Variants in DRD3 observed in about 807,000 individuals in gnomAD.
DRD3 encodes dopamine receptor D3.
A neutral mutation model predicts 36.3 loss-of-function variants in DRD3; 19 were observed. That is an observed-to-expected ratio of 0.52 (90% CI 0.36 to 0.77). The LOEUF is 0.77. Ranked by LOEUF, DRD3 falls within the 30% of genes least tolerant of loss-of-function variation. The pLI, the probability that DRD3 is intolerant of heterozygous loss-of-function variation, is 0.00. For synonymous variants in DRD3, 195 were observed against 203.7 expected (o/e 0.96, Z 0.36); for missense variants, 465 against 505.3 (o/e 0.92, Z 0.77).
At chr3:114,159,988 C>T (rs1474260999) in intron 2 of DRD3, 121 bp from the exon 3 acceptor site, 4 of 804,542 alleles carry the variant, frequency 5.0e-6, no homozygotes, top group Non-Finnish European at 6.1e-6. Flanking sequence ...CCCTGTGTAC[C>T]GTTGTTCCCA....
chr3:114,168,045 A>G (rs556587903), intron 2 of DRD3, among the ~76,000 whole-genome samples: 15 of 152,340 alleles, frequency 9.8e-5, no homozygotes, highest in African/African-American at 3.4e-4. Context: ...CCACCCTACC[A>G]GAGGACTTTA....
intron 2 of DRD3, 134 bp downstream of exon 2, chr3:114,171,589 G>A: frequency 8.6e-7 from 1 of 1,159,036 alleles, no homozygotes; most frequent in South Asian, 2.0e-5. Flanking sequence ...TCTCATTACA[G>A]GGAGAATGAG....
rs566437599 is a variant in DRD3 at position 114,187,521 on chromosome 3, C to T, written c.-155-8745G>A. ...AATGAAGCTTTTGTTGCTTCCACAA[C>T]TCCTTTGCAATCTTGTCATTGATGT... On this transcript the variant is annotated intron_variant, in intron 1 of 7. Transcript: ENST00000460779. 9.2e-5 allele frequency among the ~76,000 whole-genome samples: 14 copies of T among 152,330 alleles called. 1 individual carries two copies. The South Asian group carries it at 2.5e-3, about 27-fold the overall frequency.
At chr3:114,143,112 G>A (rs2077540831) in intron 4 of DRD3, among the ~76,000 whole-genome samples, 1 of 152,252 alleles carries the variant, frequency 6.6e-6, no homozygotes, top group Admixed American at 6.5e-5. Flanking sequence ...CCCAGGAGAT[G>A]AGGTGCCTTG....
intron 3 of DRD3, among the ~76,000 whole-genome samples, chr3:114,157,399 C>A (rs1014347478): frequency 2.6e-5 from 4 of 152,028 alleles, no homozygotes; most frequent in Non-Finnish European, 5.9e-5. Context: ...TGCCCCATAC[C>A]CTTCTCATGC....
rs1244634029 is a variant in DRD3 at position 114,196,220 on chromosome 3, G to A, written c.-156+3053C>T. 2.0e-5 allele frequency among the ~76,000 whole-genome samples: 3 copies of A among 152,072 alleles called. No homozygotes were observed. In the East Asian group the frequency reaches 5.8e-4, roughly 29 times the overall value. On this transcript the variant is annotated intron_variant, in intron 1 of 7. Transcript: ENST00000460779. ...GTATCCCATTATTTATCAATTTCCA[G>A]TTTTTGGTTATTACAAATAAAGCAG...
intron 6 of DRD3, among the ~76,000 whole-genome samples, chr3:114,130,520 G>C (rs1029465644): frequency 3.3e-5 from 5 of 150,872 alleles, no homozygotes; most frequent in African/African-American, 1.2e-4. Context: ...TGCCTCCCAG[G>C]TTCAGGCCAT....
At chr3:114,164,714 A>G (rs1300530851) in intron 2 of DRD3, among the ~76,000 whole-genome samples, 3 of 152,284 alleles carry the variant, frequency 2.0e-5, no homozygotes, top group Admixed American at 2.0e-4. Context: ...CGTTAGCTTC[A>G]TGATCCCCTT....
intron 4 of DRD3, among the ~76,000 whole-genome samples, chr3:114,143,287 G>C (rs2077542876): frequency 6.6e-6 from 1 of 152,202 alleles, no homozygotes; most frequent in African/African-American, 2.4e-5. Context: ...CCGGGGGAGG[G>C]GAGGTTACTC....
At chr3:114,141,790 G>A (rs6786450) in intron 4 of DRD3, among the ~76,000 whole-genome samples, 10,549 of 152,076 alleles carry the variant, frequency 0.069, 738 homozygotes, top group African/African-American at 0.18. Context: ...GGTGGCTCAC[G>A]CCTGTAATCC....
At chr3:114,137,549 T>C (rs532925725) in intron 5 of DRD3, among the ~76,000 whole-genome samples, 1 of 152,278 alleles carries the variant, frequency 6.6e-6, no homozygotes, top group South Asian at 2.1e-4. Context: ...TAACAGGTCA[T>C]CAGAGATAAT....
rs1012316796 is a variant in DRD3 at position 114,139,785 on chromosome 3, G to A, written c.527-89C>T. On this transcript the variant is annotated intron_variant, in intron 4 of 6. Transcript: ENST00000383673. ...AACACGGCTCCATGTCACGTGTGGT[G>A]CCTGCACTTTCTGCTGCACAGGGGG... 31 of 1,278,858 alleles carry A rather than the reference G, an allele frequency of 2.4e-5. No homozygotes were observed. The African/African-American group carries it at 4.1e-4, about 17-fold the overall frequency. 79.2% of individuals were successfully genotyped at this position (1,278,858 alleles called of 1,614,324 possible). A position where few individuals can be genotyped will look rare whatever the true frequency, so the allele number is the denominator to read the frequency against.
chr3:114,198,402 G>A (rs888129201), intron 1 of DRD3, among the ~76,000 whole-genome samples: 1 of 151,920 alleles, frequency 6.6e-6, no homozygotes, highest in Non-Finnish European at 1.5e-5. Context: ...CTCCCAAAGT[G>A]CTGGGATTAC....
chr3:114,152,730 G>A (rs572686975), intron 3 of DRD3, among the ~76,000 whole-genome samples: 1 of 152,304 alleles, frequency 6.6e-6, no homozygotes, highest in South Asian at 2.1e-4. Flanking sequence ...CTGCTTCCTG[G>A]AACCCTGCAG....
At chr3:114,140,091 C>T (rs1012805803) in intron 4 of DRD3, among the ~76,000 whole-genome samples, 1 of 152,186 alleles carries the variant, frequency 6.6e-6, no homozygotes, top group African/African-American at 2.4e-5. Context: ...AGGGCAGAGG[C>T]TCCCAGGAGG....
At chr3:114,148,775 C>T (rs761713051) in intron 3 of DRD3, among the ~76,000 whole-genome samples, 4 of 152,102 alleles carry the variant, frequency 2.6e-5, no homozygotes, top group South Asian at 2.1e-4. Flanking sequence ...TGCAGTGGCG[C>T]GATCTCAACT....
chr3:114,131,769 C>T (rs533975192), intron 5 of DRD3, among the ~76,000 whole-genome samples: 2 of 152,322 alleles, frequency 1.3e-5, no homozygotes, highest in South Asian at 2.1e-4. Flanking sequence ...ATAGACACTT[C>T]TCAAAAGAAG....
At chr3:114,193,113 A>G (rs971713268) in intron 1 of DRD3, among the ~76,000 whole-genome samples, 13 of 152,256 alleles carry the variant, frequency 8.5e-5, no homozygotes, top group Non-Finnish European at 1.8e-4. Flanking sequence ...CCCCGCCTCT[A>G]CTAAAAATAC....
At chr3:114,172,577 G>T (rs2077857507) in intron 1 of DRD3, among the ~76,000 whole-genome samples, 1 of 152,186 alleles carries the variant, frequency 6.6e-6, no homozygotes, top group African/African-American at 2.4e-5. Context: ...GAGGTAGACA[G>T]ATTGTGCAGG....
Sources: gnomAD v4.1 joint callset for allele counts (sites outside exome capture counted in the v4.1 genomes callset) on GRCh38, gnomAD v4.1.1 for gene constraint, MANE v1.5 for transcripts, NCBI Gene and HGNC (gene_info 2026-07-23, HGNC 2026-07-21) for gene names.